HDAC7: variants seen among roughly 807,000 people sequenced by gnomAD.
The protein encoded by HDAC7 is histone deacetylase 7, also known as histone deacetylase 7A.
A neutral mutation model predicts 115.5 loss-of-function variants in HDAC7; 26 were observed. The ratio of observed to expected loss-of-function variants is 0.23; its 90% CI spans 0.16 to 0.31. The LOEUF (loss-of-function observed/expected upper bound fraction) is 0.31, where lower values mean the gene tolerates loss of function less well. HDAC7 is among the 10% of genes least tolerant of loss of function. The pLI, the probability that HDAC7 is intolerant of heterozygous loss-of-function variation, is 1.00. For missense variants in HDAC7, 1,068 were observed against 1,329.0 expected (o/e 0.80, Z 3.05); for synonymous variants, 564 against 550.9 (o/e 1.02, Z -0.33).
At chr12:47,791,374 G>A in intron 15 of HDAC7, 66 bp from the exon 16 acceptor site, 5 of 1,477,500 alleles carry the variant, frequency 3.4e-6, no homozygotes, top group Non-Finnish European at 3.6e-6. Context: ...CAGGGAGCAG[G>A]GAGCCCAGAG....
intron 1 of HDAC7, among the ~76,000 whole-genome samples, chr12:47,802,980 C>A (rs1944240499): frequency 6.6e-6 from 1 of 152,166 alleles, no homozygotes; most frequent in Non-Finnish European, 1.5e-5. Flanking sequence ...GAGAAGGGAC[C>A]TACTCAGCCT....
chr12:47,808,127 G>T (rs1449107086), intron 1 of HDAC7, among the ~76,000 whole-genome samples: 1 of 152,226 alleles, frequency 6.6e-6, no homozygotes, highest in African/African-American at 2.4e-5. Context: ...TGTAAGGGTG[G>T]CAACAGTGAG....
Position 47,796,029 on chromosome 12 carries a change from G to C in HDAC7, c.796-13C>G. ...GGCCCAAGAGCGCCTGCCATAGGGA[G>C]CAGGGCGAGGGTCACCGGTCCCAGA... On this transcript the variant is annotated splice_polypyrimidine_tract_variant and intron_variant, in intron 8 of 25. Transcript: ENST00000080059. 1.3e-6 allele frequency: 2 copies of C among 1,548,980 alleles called. No individual in the cohort carries two copies. Among genetic ancestry groups the C allele is most frequent in the Non-Finnish European group, 1.7e-6 (2 of 1,146,112 alleles).
chr12:47,794,636 G>A (rs1378055312), intron 12 of HDAC7, 124 bp downstream of exon 12: 2 of 951,424 alleles, frequency 2.1e-6, no homozygotes. Context: ...GATCTTATAG[G>A]GCAACCATGG....
At chr12:47,792,166 C>A (rs1252110528) in intron 13 of HDAC7, 162 bp from the exon 14 acceptor site, 2 of 740,286 alleles carry the variant, frequency 2.7e-6, no homozygotes, top group East Asian at 5.6e-5. Context: ...CTGCCCCTAC[C>A]CCAGCCCCAG....
intron 1 of HDAC7, among the ~76,000 whole-genome samples, chr12:47,804,048 G>A (rs1944284792): frequency 6.6e-6 from 1 of 152,176 alleles, no homozygotes; most frequent in South Asian, 2.1e-4. Flanking sequence ...CAGGTTCTCT[G>A]TGCCTTGCTC....
chr12:47,784,779 C>G (rs1203604839), intron 24 of HDAC7: 12 of 1,535,478 alleles, frequency 7.8e-6, no homozygotes, highest in African/African-American at 4.1e-5. Flanking sequence ...GTCCTGGAAT[C>G]TGGCTCAGTG....
intron 1 of HDAC7, among the ~76,000 whole-genome samples, chr12:47,802,754 G>GGCCT (rs1047321203): frequency 1.4e-4 from 22 of 152,132 alleles, no homozygotes; most frequent in Admixed American, 1.4e-3. Context: ...GAGGGACCCT[G>GGCCT]GCCTGCTCAG....
In HDAC7 at chr12:47,793,360, CGGTCT is replaced by C; in HGVS notation, c.1678+4_1678+8del. ...CTCCCTCCACCCGCCACCCTCCTCC[CGGTCT>C]CACCTGTGGTGAAGGGCAGGGTCCT... On this transcript the variant is annotated splice_donor_5th_base_variant and intron_variant, in intron 13 of 25. Coordinates refer to ENST00000080059, the MANE Select transcript of HDAC7 (RefSeq NM_015401.5). This position sits in a 1 kb window ranked among gnomAD's most constrained non-coding sequence, Gnocchi z 4.5. The C allele has an allele frequency of 6.7e-7, 1 of 1,499,204 alleles. No homozygotes were observed. The highest frequency in any genetic ancestry group is 9.0e-7 in the Non-Finnish European group (1 of 1,114,162). 92.9% of individuals were successfully genotyped at this position (1,499,204 alleles called of 1,614,324 possible).
Position 47,795,193 on chromosome 12 carries a change from C to T in HDAC7, c.1275G>A (p.Gln425=). 2 of 1,612,510 alleles carry T rather than the reference C, an allele frequency of 1.2e-6. No individual in the cohort carries two copies. Among genetic ancestry groups the T allele is most frequent in the East Asian group, 2.2e-5 (1 of 44,856 alleles). ...PRLEQLKTHV[Q]VIKRSAKPSE... is the part of the protein sequence containing the mutation. ...GCCCAATTCCTCTCACCTTGATCAC[C>T]TGGACGTGAGTTTTGAGCTGCTCCA... is the stretch of plus-strand genomic sequence containing the variant. The change falls in exon 11 of 26, where the codon CAG becomes CAA. Residue 425 remains glutamine, a synonymous_variant. Coordinates refer to ENST00000080059, the MANE Select transcript of HDAC7 (RefSeq NM_015401.5). This position sits in a 1 kb window ranked among gnomAD's most constrained non-coding sequence, Gnocchi z 4.3.
intron 24 of HDAC7, chr12:47,785,113 G>T: frequency 1.8e-6 from 1 of 556,566 alleles, no homozygotes; most frequent in Non-Finnish European, 3.2e-6. Flanking sequence ...ACCTGGCCCT[G>T]GTCTAGGGCT....
rs1485455093 is a variant in HDAC7 at position 47,805,388 on chromosome 12, CG to C, written c.20-3115del. 2.0e-5 allele frequency among the ~76,000 whole-genome samples: 3 copies of C among 152,128 alleles called. No homozygotes were observed. In the East Asian group the frequency reaches 5.8e-4, roughly 29 times the overall value. ...CCCACCTCCCTGGACTCTTGATTAG[CG>C]GAAAAGGAAGCAGCAGCAAGAAGAC... On this transcript the variant is annotated intron_variant, in intron 1 of 25. Transcript: ENST00000080059.
intron 24 of HDAC7, chr12:47,784,694 C>T: frequency 1.3e-6 from 2 of 1,534,016 alleles, no homozygotes; most frequent in Non-Finnish European, 1.7e-6. Flanking sequence ...GGAGAACTGA[C>T]CATCACCACG....
At chr12:47,816,504 C>T (rs531465735) in intron 1 of HDAC7, among the ~76,000 whole-genome samples, 20 of 152,290 alleles carry the variant, frequency 1.3e-4, no homozygotes, top group Admixed American at 5.2e-4. Flanking sequence ...GGAACCACCA[C>T]ATCAGCATAC....
At position 47,797,360 on chromosome 12, in the gene HDAC7, G is replaced by A; in HGVS notation, c.577+24C>T. 1 of 1,572,432 alleles carries A rather than the reference G, an allele frequency of 6.4e-7. No homozygotes were observed. Among genetic ancestry groups the A allele is most frequent in the South Asian group, 1.1e-5 (1 of 90,516 alleles). On this transcript the variant is annotated intron_variant, in intron 6 of 25. Transcript: ENST00000080059. The surrounding 1 kb of genome is among the most constrained non-coding windows in gnomAD (Gnocchi z 5.5). ...CCCTTCCCCCTTCCTTTGCCTGAAA[G>A]GTCCGCCTGTTTGTTCAGCTCACCT...
intron 15 of HDAC7, 80 bp downstream of exon 15, chr12:47,791,506 G>A: frequency 6.6e-7 from 1 of 1,520,642 alleles, no homozygotes. Context: ...GGCTGGCTGG[G>A]CGGGCAGAGC....
rs777301895 is a variant in HDAC7 at position 47,794,754 on chromosome 12, C to T, written c.1458+6G>A. On this transcript the variant is annotated splice_donor_region_variant and intron_variant, in intron 12 of 25. Coordinates refer to ENST00000080059, the MANE Select transcript of HDAC7 (RefSeq NM_015401.5). ...CTTTCTGAGGGGCAGGTGGGGACTGCCATACCTGAGGGTGCTGCTGGAGAG... is the reference window on the plus strand; with the variant it reads ...CTTTCTGAGGGGCAGGTGGGGACTGTCATACCTGAGGGTGCTGCTGGAGAG... 1 of 1,585,174 alleles carries T rather than the reference C, an allele frequency of 6.3e-7. No individual in the cohort carries two copies. Among genetic ancestry groups the T allele is most frequent in the South Asian group, 1.2e-5 (1 of 86,920 alleles).
chr12:47,791,537 G>A, intron 15 of HDAC7, 49 bp downstream of exon 15: 2 of 1,568,564 alleles, frequency 1.3e-6, no homozygotes, highest in Non-Finnish European at 1.7e-6. Flanking sequence ...GTGCATGGGA[G>A]CTGGGTGAGG....
At chr12:47,799,051 C>T (rs1447435772) in intron 2 of HDAC7, 79 bp from the exon 3 acceptor site, 2 of 987,152 alleles carry the variant, frequency 2.0e-6, no homozygotes, top group Non-Finnish European at 2.9e-6. Flanking sequence ...CCCCCTCAGC[C>T]TCCCTCAGGC....
Sources: allele counts gnomAD v4.1 joint callset (sites outside exome capture counted in the v4.1 genomes callset), GRCh38; gene constraint gnomAD v4.1.1; non-coding constraint Gnocchi (gnomAD v3.1); transcripts MANE v1.5; gene names NCBI Gene and HGNC (gene_info 2026-07-23, HGNC 2026-07-21).